RASGEF1C: variants seen among roughly 807,000 people sequenced by gnomAD.
The protein encoded by RASGEF1C is RasGEF domain family member 1C, also known as ras-GEF domain-containing family member 1C.
In RASGEF1C, 27 loss-of-function variants were observed where a neutral mutation model predicts 58.1. The observed-to-expected ratio is 0.46, with a 90% CI of 0.34 to 0.64. The LOEUF is 0.64. Ranked by LOEUF, RASGEF1C falls within the 30% of genes least tolerant of loss-of-function variation. RASGEF1C has a pLI of 0.01. For missense variants in RASGEF1C, 502 were observed against 605.1 expected (o/e 0.83, Z 1.79); for synonymous variants, 243 against 246.3 (o/e 0.99, Z 0.13).
intron 1 of RASGEF1C, among the ~76,000 whole-genome samples, chr5:180,166,762 C>T (rs937295996): frequency 1.2e-4 from 19 of 152,020 alleles, no homozygotes; most frequent in Non-Finnish European, 2.4e-4. Flanking sequence ...ATGATCCACC[C>T]GCCTCGGCCT....
At chr5:180,161,782 T>C (rs1766949350) in intron 1 of RASGEF1C, among the ~76,000 whole-genome samples, 2 of 152,202 alleles carry the variant, frequency 1.3e-5, no homozygotes, top group South Asian at 4.1e-4. Flanking sequence ...CGCCAGACAG[T>C]CTCAGGCCAG....
chr5:180,166,837 T>A (rs1767031376), intron 1 of RASGEF1C, among the ~76,000 whole-genome samples: 1 of 152,250 alleles, frequency 6.6e-6, no homozygotes, highest in African/African-American at 2.4e-5. Flanking sequence ...TTTTAATAGA[T>A]GTAGAGTTAT....
intron 1 of RASGEF1C, among the ~76,000 whole-genome samples, chr5:180,152,663 T>C (rs1168621849): frequency 6.6e-6 from 1 of 150,388 alleles, no homozygotes; most frequent in African/African-American, 2.5e-5. Flanking sequence ...TGTATACATA[T>C]GTAACAAACC....
chr5:180,147,717 A>C (rs886121875), intron 1 of RASGEF1C, among the ~76,000 whole-genome samples: 3 of 152,218 alleles, frequency 2.0e-5, no homozygotes, highest in African/African-American at 7.2e-5. Flanking sequence ...GTGTCCTAAC[A>C]TATGGTTTAT....
At chr5:180,189,176 A>T (rs535136595) in intron 1 of RASGEF1C, among the ~76,000 whole-genome samples, 1 of 152,230 alleles carries the variant, frequency 6.6e-6, no homozygotes, top group Non-Finnish European at 1.5e-5. Flanking sequence ...ATGGAAATTT[A>T]AAAACACTAT....
intron 12 of RASGEF1C, among the ~76,000 whole-genome samples, chr5:180,104,784 A>C (rs747640917): frequency 5.3e-5 from 8 of 152,208 alleles, no homozygotes; most frequent in South Asian, 2.1e-4. Context: ...CAAATTATCT[A>C]TTTTATGTCA....
chr5:180,163,896 A>G (rs1766981992), intron 1 of RASGEF1C, among the ~76,000 whole-genome samples: 1 of 152,222 alleles, frequency 6.6e-6, no homozygotes, highest in African/African-American at 2.4e-5. Context: ...TGAAATGATA[A>G]ATTCAAGGTC....
chr5:180,139,211 C>T (rs1766536680), intron 1 of RASGEF1C, among the ~76,000 whole-genome samples: 1 of 152,182 alleles, frequency 6.6e-6, no homozygotes. Flanking sequence ...GGCCAGTCTT[C>T]CTTGAAAGCC....
At position 180,155,130 on chromosome 5, in the gene RASGEF1C, C is replaced by A. The variant is rs922176082; in HGVS notation, c.-6-17072G>T. On this transcript the variant is annotated intron_variant, in intron 1 of 13. Transcript: ENST00000361132. This position sits in a 1 kb window ranked among gnomAD's most constrained non-coding sequence, Gnocchi z 5.2. The stretch of plus-strand genomic sequence containing the variant: ...GGAGAGGCCTCAGACCACAGCCCAG[C>A]CCTTCCCCACCTTGCACAGAAACCT... Among the ~76,000 whole-genome samples the A allele has an allele frequency of 6.6e-6, 1 of 152,166 alleles. No homozygotes were observed. Among genetic ancestry groups the A allele is most frequent in the African/African-American group, 2.4e-5 (1 of 41,430 alleles).
At chr5:180,200,605 G>A (rs962666256) in intron 1 of RASGEF1C, among the ~76,000 whole-genome samples, 5 of 151,976 alleles carry the variant, frequency 3.3e-5, no homozygotes, top group African/African-American at 9.7e-5. Context: ...GAGCCACCGC[G>A]CCCAGCCAAG....
intron 1 of RASGEF1C, among the ~76,000 whole-genome samples, chr5:180,192,125 C>T (rs1446415769): frequency 1.3e-5 from 2 of 152,216 alleles, no homozygotes; most frequent in Non-Finnish European, 2.9e-5. Context: ...TCAGGCCCAC[C>T]TGGGACATCT....
chr5:180,116,924 T>C (rs1766076903), intron 10 of RASGEF1C, among the ~76,000 whole-genome samples: 1 of 152,104 alleles, frequency 6.6e-6, no homozygotes, highest in South Asian at 2.1e-4. Context: ...CTACCTGCAG[T>C]GTGAGTGGAC....
chr5:180,152,323 A>T (rs1042555060), intron 1 of RASGEF1C, among the ~76,000 whole-genome samples: 10 of 152,200 alleles, frequency 6.6e-5, no homozygotes, highest in African/African-American at 2.2e-4. Flanking sequence ...CAAATGTCCA[A>T]CAATGATAGA....
chr5:180,207,217 T>G (rs1581135018), intron 1 of RASGEF1C, among the ~76,000 whole-genome samples: 1 of 152,248 alleles, frequency 6.6e-6, no homozygotes, highest in East Asian at 1.9e-4. Flanking sequence ...GCAGTCATTC[T>G]GAAACTCTTT....
At chr5:180,119,486 C>T in intron 7 of RASGEF1C, 38 bp from the exon 8 acceptor site, 1 of 1,520,706 alleles carries the variant, frequency 6.6e-7, no homozygotes, top group Non-Finnish European at 9.1e-7. Context: ...GGTGACACGC[C>T]TCCACCCTGC....
At chr5:180,154,228 A>G (rs1766816598) in intron 1 of RASGEF1C, among the ~76,000 whole-genome samples, 1 of 152,020 alleles carries the variant, frequency 6.6e-6, no homozygotes, top group African/African-American at 2.4e-5. Context: ...CAAGGGTCAA[A>G]TGGGCCTCTT....
At chr5:180,202,927 C>G (rs984568888) in intron 1 of RASGEF1C, among the ~76,000 whole-genome samples, 1 of 152,082 alleles carries the variant, frequency 6.6e-6, no homozygotes, top group Non-Finnish European at 1.5e-5. Flanking sequence ...TGGTCTCGAT[C>G]TCCTGACCTC....
intron 7 of RASGEF1C, 104 bp from the exon 8 acceptor site, chr5:180,119,552 C>T (rs113867242): frequency 1.3e-5 from 11 of 823,280 alleles, no homozygotes; most frequent in African/African-American, 8.4e-5. Context: ...AAACCCATTG[C>T]ACAGCTGAGG....
At chr5:180,110,367 C>T (rs1765938445) in intron 12 of RASGEF1C, among the ~76,000 whole-genome samples, 1 of 145,236 alleles carries the variant, frequency 6.9e-6, no homozygotes, top group South Asian at 2.2e-4. Flanking sequence ...TATTCAAAAG[C>T]AAAATCATTA....
Sources: gnomAD v4.1 joint callset for allele counts (sites outside exome capture counted in the v4.1 genomes callset) on GRCh38, gnomAD v4.1.1 for gene constraint, Gnocchi (gnomAD v3.1) non-coding constraint, MANE v1.5 for transcripts, NCBI Gene and HGNC (gene_info 2026-07-23, HGNC 2026-07-21) for gene names.